TET3: variants seen among roughly 807,000 people sequenced by gnomAD.
The protein encoded by TET3 is methylcytosine dioxygenase TET3.
TET3 carries 19 observed loss-of-function variants against 141.4 expected under a neutral mutation model. The ratio of observed to expected loss-of-function variants is 0.13; its 90% CI spans 0.09 to 0.20. The LOEUF (loss-of-function observed/expected upper bound fraction) is 0.20. Ranked by LOEUF, TET3 falls within the 10% of genes least tolerant of loss-of-function variation. The pLI is 1.00. For synonymous variants in TET3, 1,043 were observed against 980.9 expected (o/e 1.06, Z -1.18); for missense variants, 1,874 against 2,356.9 (o/e 0.80, Z 4.24).
At chr2:74,081,539 T>G (rs1223070571) in intron 6 of TET3, among the ~76,000 whole-genome samples, 1 of 152,176 alleles carries the variant, frequency 6.6e-6, no homozygotes, top group Non-Finnish European at 1.5e-5. Flanking sequence ...CCATGAATAC[T>G]GGCCCGTTAC....
intron 3 of TET3, among the ~76,000 whole-genome samples, chr2:74,037,651 G>A (rs1476369850): frequency 2.6e-5 from 4 of 152,170 alleles, no homozygotes; most frequent in Non-Finnish European, 5.9e-5. Context: ...AGTTCATTCT[G>A]GCCAAAAACA....
intron 3 of TET3, among the ~76,000 whole-genome samples, chr2:74,016,072 TA>T (rs963919934): frequency 1.6e-4 from 24 of 151,516 alleles, no homozygotes; most frequent in Non-Finnish European, 2.8e-4. Context: ...TTAATTTCTT[TA>T]AAAAAAAATT....
chr2:74,071,712 T>C (rs986119910), intron 4 of TET3, among the ~76,000 whole-genome samples: 5 of 152,236 alleles, frequency 3.3e-5, no homozygotes, highest in African/African-American at 4.8e-5. Flanking sequence ...CATTTAATTG[T>C]CATGTCTTCT....
chr2:74,101,168 G>C lies in TET3; in HGVS notation c.4380G>C (p.Ser1460=). Residue 1460 remains serine (S), a synonymous_variant, in exon 12 of 12, where the codon TCG becomes TCC. Coordinates refer to ENST00000409262, the MANE Select transcript of TET3 (RefSeq NM_001287491.2). This position sits in a 1 kb window ranked among gnomAD's most constrained non-coding sequence, Gnocchi z 8.5. ...TGGGTGGCAGCTGGGGTGTGTTCTC[G>C]TCTGGGGAGAGTCCTGCCATCGTCC... is the stretch of plus-strand genomic sequence containing the variant. ...NGVGGSWGVF[S]SGESPAIVPD... 3.1e-6 allele frequency: 5 copies of C among 1,613,784 alleles called. No individual in the cohort carries two copies. Among genetic ancestry groups the C allele is most frequent in the Non-Finnish European group, 4.2e-6 (5 of 1,179,858 alleles).
At chr2:74,110,459 C>A (rs1691674321), downstream of TET3, among the ~76,000 whole-genome samples, 1 of 152,174 alleles carries the variant, frequency 6.6e-6, no homozygotes, top group Non-Finnish European at 1.5e-5. Flanking sequence ...CATTCAACGT[C>A]CCATGTCCAT....
At chr2:74,015,538 A>G (rs1449646111) in intron 3 of TET3, among the ~76,000 whole-genome samples, 1 of 152,170 alleles carries the variant, frequency 6.6e-6, no homozygotes. Flanking sequence ...AATAGGTTGA[A>G]GACACCTTTC....
At chr2:74,115,350 A>G in the TET3 span, among the ~76,000 whole-genome samples, 8 of 152,362 alleles carry the variant, frequency 5.3e-5, no homozygotes, top group East Asian at 1.5e-3. Context: ...GTTCTCACTT[A>G]TAAGCAGGAG....
chr2:74,019,953 A>G (rs1685947022), intron 3 of TET3, among the ~76,000 whole-genome samples: 1 of 152,148 alleles, frequency 6.6e-6, no homozygotes, highest in African/African-American at 2.4e-5. Flanking sequence ...AGCACAAACA[A>G]ACTTATCTGC....
Position 74,081,728 on chromosome 2 carries a change from G to A in TET3, c.2679+1137G>A, listed in dbSNP as rs1689840910. ...AATTCTGACATATGCTACAACATGTGTAGGACGTATGTGCCTGTTTTTACC... is the reference window on the plus strand; with the variant it reads ...AATTCTGACATATGCTACAACATGTATAGGACGTATGTGCCTGTTTTTACC... On this transcript the variant is annotated intron_variant, in intron 6 of 11. Coordinates refer to ENST00000409262, the MANE Select transcript of TET3 (RefSeq NM_001287491.2). 2.0e-5 allele frequency among the ~76,000 whole-genome samples: 3 copies of A among 152,236 alleles called. No individual in the cohort carries two copies. The South Asian group carries it at 6.2e-4, about 31-fold the overall frequency.
intron 2 of TET3, among the ~76,000 whole-genome samples, chr2:73,995,732 C>A (rs28534414): frequency 0.13 from 20,391 of 152,090 alleles, 1,617 homozygotes; most frequent in African/African-American, 0.21. Flanking sequence ...TGGGAGCCAG[C>A]CTTAGAGTGA....
downstream of TET3, chr2:74,108,228 G>T (rs532340530): frequency 1.3e-5 from 2 of 153,874 alleles, no homozygotes; most frequent in East Asian, 3.9e-4. Flanking sequence ...GGAATGTGAT[G>T]TGTCAGGTAC....
rs189951194 is a variant in TET3 at position 74,018,256 on chromosome 2, C to T, written c.360+15090C>T. On this transcript the variant is annotated intron_variant, in intron 3 of 11. Coordinates refer to ENST00000409262, the MANE Select transcript of TET3 (RefSeq NM_001287491.2). ...TGCTGGGATTACAGGTGTGAGCCACCGTGCCTGGCCTTCTTCTGTCATCTT... is the reference window on the plus strand; with the variant it reads ...TGCTGGGATTACAGGTGTGAGCCACTGTGCCTGGCCTTCTTCTGTCATCTT... Among the ~76,000 whole-genome samples the T allele has an allele frequency of 1.4e-4, 21 of 152,154 alleles. 1 individual carries two copies. In the East Asian group the frequency reaches 3.9e-3, roughly 28 times the overall value.
chr2:74,047,818 C>T lies in TET3; in HGVS notation c.1901C>T (p.Ser634Phe). 6.2e-7 allele frequency: 1 copy of T among 1,613,174 alleles called. No individual in the cohort carries two copies. The highest frequency in any genetic ancestry group is 8.5e-7 in the Non-Finnish European group (1 of 1,179,540). ...VRQIVLEGLRSPASQEVQAHP... is the reference protein window; with the variant it reads ...VRQIVLEGLRFPASQEVQAHP... Reference sequence around the variant, plus strand: ...CAGATTGTCCTGGAAGGGCTTAGGTCCCCAGCCTCCCAGGAAGTGCAGGCT... The same window carrying T: ...CAGATTGTCCTGGAAGGGCTTAGGTTCCCAGCCTCCCAGGAAGTGCAGGCT... Residue 634 changes from serine to phenylalanine, a missense_variant, in exon 4 of 12, where the codon TCC becomes TTC. Coordinates refer to ENST00000409262, the MANE Select transcript of TET3 (RefSeq NM_001287491.2).
At chr2:74,118,412 T>C in the TET3 span, among the ~76,000 whole-genome samples, 1 of 152,234 alleles carries the variant, frequency 6.6e-6, no homozygotes, top group African/African-American at 2.4e-5. Flanking sequence ...CAATTGAAAC[T>C]TACAGTATCA....
chr2:74,120,112 CA>C, the TET3 span, among the ~76,000 whole-genome samples: 5 of 152,236 alleles, frequency 3.3e-5, no homozygotes, highest in Non-Finnish European at 4.4e-5. Flanking sequence ...TAAGAGCCCA[CA>C]GGTTGGACCT....
the TET3 span, among the ~76,000 whole-genome samples, chr2:74,127,522 A>C: frequency 6.6e-6 from 1 of 152,178 alleles, no homozygotes; most frequent in Non-Finnish European, 1.5e-5. Context: ...GCATTTAACC[A>C]AACGAATTGG....
At chr2:74,129,371 G>A in the TET3 span, among the ~76,000 whole-genome samples, 3 of 138,624 alleles carry the variant, frequency 2.2e-5, no homozygotes, top group Non-Finnish European at 4.6e-5. Context: ...AGTGGCTCAT[G>A]CCTGTAATCC....
intron 7 of TET3, among the ~76,000 whole-genome samples, chr2:74,088,739 A>G (rs1690302117): frequency 6.6e-6 from 1 of 152,192 alleles, no homozygotes; most frequent in Non-Finnish European, 1.5e-5. Flanking sequence ...TTAGGTATAT[A>G]GTTTTGACAA....
chr2:74,016,439 G>A (rs1320685012), intron 3 of TET3, among the ~76,000 whole-genome samples: 2 of 152,160 alleles, frequency 1.3e-5, no homozygotes, highest in Non-Finnish European at 2.9e-5. Flanking sequence ...AAAAATGTAG[G>A]CCAGGCACAG....
Sources: allele counts gnomAD v4.1 joint callset (sites outside exome capture counted in the v4.1 genomes callset), GRCh38; gene constraint gnomAD v4.1.1; non-coding constraint Gnocchi (gnomAD v3.1); transcripts MANE v1.5; gene names NCBI Gene and HGNC (gene_info 2026-07-23, HGNC 2026-07-21).